The following PDE1A variants were observed in gnomAD, a reference collection of about 807,000 sequenced individuals.
PDE1A encodes the protein dual specificity calcium/calmodulin-dependent 3',5'-cyclic nucleotide phosphodiesterase 1A.
A neutral mutation model predicts 61.7 loss-of-function variants in PDE1A; 35 were observed. The observed-to-expected ratio is 0.57, with a 90% CI of 0.43 to 0.75. The LOEUF is 0.75. PDE1A is among the 30% of genes least tolerant of loss of function. The pLI, the probability that PDE1A is intolerant of heterozygous loss-of-function variation, is 0.00. For missense variants in PDE1A, 597 were observed against 630.6 expected (o/e 0.95, Z 0.57); for synonymous variants, 232 against 213.2 (o/e 1.09, Z -0.77).
exon 1 of PDE1A, chr2:182,426,922 G>A (rs768172886): frequency 1.5e-4 from 171 of 1,143,842 alleles, no homozygotes; most frequent in East Asian, 1.9e-4. Flanking sequence ...GGGACCCTCC[G>A]AAACAGAACA....
At chr2:182,501,435 A>G (rs1250346262) in intron 2 of PDE1A, among the ~76,000 whole-genome samples, 1 of 152,214 alleles carries the variant, frequency 6.6e-6, no homozygotes, top group Non-Finnish European at 1.5e-5. Context: ...AGCATCCTAA[A>G]AATTAGATCT....
the PDE1A span, among the ~76,000 whole-genome samples, chr2:182,552,277 A>G: frequency 6.6e-6 from 1 of 152,032 alleles, no homozygotes; most frequent in Non-Finnish European, 1.5e-5. Flanking sequence ...ATAGATTCTA[A>G]AGAAAGCATG....
intron 13 of PDE1A, among the ~76,000 whole-genome samples, chr2:182,174,047 G>C (rs1692496087): frequency 6.6e-6 from 1 of 152,016 alleles, no homozygotes; most frequent in African/African-American, 2.4e-5. Context: ...CATGTGCTCA[G>C]AAAGCTTACA....
intron 2 of PDE1A, among the ~76,000 whole-genome samples, chr2:182,454,599 C>T (rs1231052284): frequency 6.6e-6 from 1 of 151,616 alleles, no homozygotes; most frequent in Non-Finnish European, 1.5e-5. Flanking sequence ...GAACAGAGCC[C>T]TCAGAAATAA....
At chr2:182,436,356 A>AT (rs1188592370) in intron 2 of PDE1A, among the ~76,000 whole-genome samples, 3 of 151,950 alleles carry the variant, frequency 2.0e-5, no homozygotes, top group Non-Finnish European at 4.4e-5. Flanking sequence ...AGTTACCATA[A>AT]TTTTTTTGTA....
At chr2:182,665,398 A>C in the PDE1A span, among the ~76,000 whole-genome samples, 1 of 152,222 alleles carries the variant, frequency 6.6e-6, no homozygotes, top group South Asian at 2.1e-4. Flanking sequence ...CCCATCAAAA[A>C]GTGGACAAAG....
chr2:182,252,672 C>A lies in PDE1A; in HGVS notation c.167+11629G>T, dbSNP rs139019967. ...AACTGTGAGAAGGGTGGGAGCATGC[C>A]CCAGATAAGTTTCCAGGATCCTGCA... On this transcript the variant is annotated intron_variant, in intron 2 of 13. Coordinates refer to ENST00000351439, the Ensembl canonical transcript of PDE1A. 3.3e-5 allele frequency among the ~76,000 whole-genome samples: 5 copies of A among 152,202 alleles called. No individual in the cohort carries two copies. The East Asian group carries it at 9.7e-4, about 29-fold the overall frequency.
At chr2:182,206,338 C>A (rs890749447) in intron 7 of PDE1A, among the ~76,000 whole-genome samples, 1 of 152,126 alleles carries the variant, frequency 6.6e-6, no homozygotes, top group East Asian at 1.9e-4. Flanking sequence ...CGTAACCTCC[C>A]CCATTGTCAA....
chr2:182,325,082 C>T (rs557023849), intron 1 of PDE1A, among the ~76,000 whole-genome samples: 51 of 152,188 alleles, frequency 3.4e-4, no homozygotes, highest in African/African-American at 1.2e-3. Flanking sequence ...GGGCTAAAAT[C>T]CCAGGGTACA....
chr2:182,459,478 G>A (rs566404801), intron 2 of PDE1A, among the ~76,000 whole-genome samples: 1 of 152,238 alleles, frequency 6.6e-6, no homozygotes, highest in Non-Finnish European at 1.5e-5. Flanking sequence ...ATTAACGCCT[G>A]TGTTTATATC....
At chr2:182,527,303 TAAAAAAAAAAAAAAA>T (rs869281717), upstream of PDE1A, among the ~76,000 whole-genome samples, 43 of 22,842 alleles carry the variant, frequency 1.9e-3, 2 homozygotes, top group African/African-American at 8.7e-3. Context: ...CCTTTCTCTA[TAAAAAAAAAAAAAAA>T]AAAAAAAAAA....
chr2:182,569,471 G>C, the PDE1A span, among the ~76,000 whole-genome samples: 1 of 151,966 alleles, frequency 6.6e-6, no homozygotes, highest in Non-Finnish European at 1.5e-5. Context: ...TTTATCCTCA[G>C]GGTCTAAGAC....
rs1328142306 is a variant in PDE1A, at chr2:182,451,153, C to T, written c.101+71123G>A. 8.6e-5 allele frequency among the ~76,000 whole-genome samples: 7 copies of T among 81,050 alleles called. 3 individuals carry two copies. The highest frequency in any genetic ancestry group is 3.1e-4 in the African/African-American group (7 of 22,612). 53.2% of individuals were successfully genotyped at this position (81,050 alleles called of 152,430 possible). A position where few individuals can be genotyped will look rare whatever the true frequency, so the allele number is the denominator to read the frequency against. On this transcript the variant is annotated intron_variant, in intron 2 of 14. Transcript: ENST00000410103. ...CAGCACTTTGGGAGGCCGAGGCGGG[C>T]GGATCACGAAGTCAGGAGATCGAGA... is the stretch of plus-strand genomic sequence containing the variant.
intron 2 of PDE1A, among the ~76,000 whole-genome samples, chr2:182,441,612 A>T (rs1488654582): frequency 6.6e-6 from 1 of 151,908 alleles, no homozygotes; most frequent in Non-Finnish European, 1.5e-5. Flanking sequence ...CTAGCACTCA[A>T]ATTTTGTTTT....
At chr2:182,643,163 A>C in the PDE1A span, among the ~76,000 whole-genome samples, 2 of 152,228 alleles carry the variant, frequency 1.3e-5, no homozygotes, top group African/African-American at 4.8e-5. Context: ...GTCCTGCTCA[A>C]TTCCTGGCTG....
At chr2:182,565,497 G>T in the PDE1A span, among the ~76,000 whole-genome samples, 1 of 152,122 alleles carries the variant, frequency 6.6e-6, no homozygotes, top group African/African-American at 2.4e-5. Context: ...CTGCTCGGGG[G>T]TCAGGGATCA....
chr2:182,682,857 CA>C, the PDE1A span, among the ~76,000 whole-genome samples: 5 of 152,154 alleles, frequency 3.3e-5, no homozygotes, highest in East Asian at 9.7e-4. Flanking sequence ...ACAACCTTAT[CA>C]GATAAGATTG....
chr2:182,693,946 C>T, the PDE1A span, among the ~76,000 whole-genome samples: 1 of 152,152 alleles, frequency 6.6e-6, no homozygotes, highest in Non-Finnish European at 1.5e-5. Flanking sequence ...TGCACCTGGC[C>T]TCTTGACAGT....
chr2:182,256,030 G>A (rs1277947196), intron 2 of PDE1A, among the ~76,000 whole-genome samples: 1 of 130,678 alleles, frequency 7.7e-6, no homozygotes, highest in Non-Finnish European at 1.6e-5. Flanking sequence ...ACTTCCCAAG[G>A]ATGACTTCTT....
Sources: gnomAD v4.1 joint callset for allele counts (sites outside exome capture counted in the v4.1 genomes callset) on GRCh38, gnomAD v4.1.1 for gene constraint, MANE v1.5 for transcripts, NCBI Gene and HGNC (gene_info 2026-07-23, HGNC 2026-07-21) for gene names.